Variants in CNBD1 observed in about 807,000 individuals in gnomAD.
The protein encoded by CNBD1 is cyclic nucleotide binding domain containing 1.
CNBD1 carries 71 observed loss-of-function variants against 54.4 expected under a neutral mutation model. The observed-to-expected ratio is 1.30, with a 90% CI of 1.08 to 1.59. CNBD1 has a LOEUF of 1.59. Among genes scored for constraint, CNBD1 ranks in the 40% most tolerant of loss-of-function variants. The pLI is 0.00. For missense variants in CNBD1, 659 were observed against 518.0 expected (o/e 1.27, Z -2.64); for synonymous variants, 182 against 170.7 (o/e 1.07, Z -0.51).
intron 2 of CNBD1, among the ~76,000 whole-genome samples, chr8:87,389,409 G>T (rs139397488): frequency 0.034 from 5,230 of 152,154 alleles, 283 homozygotes; most frequent in African/African-American, 0.12. Context: ...AAAGTCTCAG[G>T]ATATAAAATC....
At chr8:87,114,978 T>C (rs959604999) in intron 4 of CNBD1, among the ~76,000 whole-genome samples, 1 of 152,160 alleles carries the variant, frequency 6.6e-6, no homozygotes, top group African/African-American at 2.4e-5. Context: ...ACCAACTCAA[T>C]AGAATGTCAT....
intron 2 of CNBD1, among the ~76,000 whole-genome samples, chr8:87,415,382 C>T (rs1371003776): frequency 2.0e-5 from 3 of 151,974 alleles, no homozygotes; most frequent in Non-Finnish European, 4.4e-5. Context: ...GTTTTGGGTT[C>T]ATAGGTTATT....
intron 4 of CNBD1, among the ~76,000 whole-genome samples, chr8:87,140,126 A>T (rs1277309410): frequency 6.6e-6 from 1 of 152,122 alleles, no homozygotes; most frequent in Admixed American, 6.5e-5. Context: ...ATTAATGCTG[A>T]CAAACATATT....
intron 2 of CNBD1, among the ~76,000 whole-genome samples, chr8:87,417,768 G>C (rs1157086339): frequency 6.6e-6 from 1 of 151,606 alleles, no homozygotes; most frequent in African/African-American, 2.4e-5. Flanking sequence ...TTAGTAATTT[G>C]TATTTAAATC....
intron 4 of CNBD1, among the ~76,000 whole-genome samples, chr8:87,092,441 G>GTA (rs1048849494): frequency 4.2e-5 from 6 of 144,206 alleles, no homozygotes; most frequent in South Asian, 4.4e-4. Flanking sequence ...ATGTGTGTGT[G>GTA]TATATATATA....
chr8:87,123,388 G>T (rs2130718131), intron 4 of CNBD1, among the ~76,000 whole-genome samples: 1 of 151,718 alleles, frequency 6.6e-6, no homozygotes, highest in African/African-American at 2.4e-5. Context: ...CAAATATGTG[G>T]AAATTAAACA....
chr8:87,391,891 A>G (rs113508229), intron 2 of CNBD1, among the ~76,000 whole-genome samples: 2,273 of 152,190 alleles, frequency 0.015, 57 homozygotes, highest in African/African-American at 0.049. Context: ...CTATCAAGAA[A>G]GTGATGTGAA....
intron 2 of CNBD1, among the ~76,000 whole-genome samples, chr8:87,428,325 T>A (rs1056323351): frequency 1.3e-5 from 2 of 152,108 alleles, no homozygotes; most frequent in African/African-American, 2.4e-5. Flanking sequence ...GAATATAAAG[T>A]TGGACATTGT....
At chr8:87,176,645 C>T (rs998810764) in intron 4 of CNBD1, among the ~76,000 whole-genome samples, 3 of 147,638 alleles carry the variant, frequency 2.0e-5, no homozygotes, top group South Asian at 4.3e-4. Flanking sequence ...CCACCACGCC[C>T]GGCTAAATTT....
intron 4 of CNBD1, among the ~76,000 whole-genome samples, chr8:87,191,794 A>G (rs1813615889): frequency 6.6e-6 from 1 of 152,214 alleles, no homozygotes; most frequent in South Asian, 2.1e-4. Context: ...GACACGAAGT[A>G]ACAGGGCTTA....
chr8:87,280,318 A>G (rs565137188), intron 6 of CNBD1, among the ~76,000 whole-genome samples: 1 of 151,734 alleles, frequency 6.6e-6, no homozygotes, highest in Admixed American at 6.6e-5. Context: ...AGTGCTTATT[A>G]CTCTTCTTTG....
chr8:87,329,295 C>A (rs533743967), intron 8 of CNBD1, among the ~76,000 whole-genome samples: 4 of 152,188 alleles, frequency 2.6e-5, no homozygotes, highest in Admixed American at 6.5e-5. Flanking sequence ...ATCACATTGT[C>A]TTGATTACTG....
At chr8:87,153,612 A>C (rs2130751219) in intron 4 of CNBD1, among the ~76,000 whole-genome samples, 1 of 152,326 alleles carries the variant, frequency 6.6e-6, no homozygotes, top group East Asian at 1.9e-4. Context: ...AATTTCAAAT[A>C]GACCAATACT....
At chr8:87,264,173 G>A (rs1808201488) in intron 6 of CNBD1, among the ~76,000 whole-genome samples, 2 of 151,856 alleles carry the variant, frequency 1.3e-5, no homozygotes, top group African/African-American at 4.8e-5. Context: ...ACAGGCCCCG[G>A]AGTGTGATGT....
At chr8:87,177,643 T>C (rs977945336) in intron 4 of CNBD1, among the ~76,000 whole-genome samples, 4 of 152,210 alleles carry the variant, frequency 2.6e-5, no homozygotes, top group African/African-American at 4.8e-5. Context: ...ATTTTTATGA[T>C]AAATAAAACA....
intron 4 of CNBD1, among the ~76,000 whole-genome samples, chr8:87,192,228 T>G (rs1374842524): frequency 1.3e-5 from 2 of 152,296 alleles, no homozygotes; most frequent in Non-Finnish European, 2.9e-5. Flanking sequence ...TTTAAAATTA[T>G]CCAGCTTTTC....
At chr8:87,112,597 C>G (rs1416987817) in intron 4 of CNBD1, among the ~76,000 whole-genome samples, 2 of 152,188 alleles carry the variant, frequency 1.3e-5, no homozygotes, top group African/African-American at 2.4e-5. Context: ...CTCAATTGCA[C>G]ACTAATTTTG....
In CNBD1 at chr8:87,325,132, C is replaced by G. The variant is rs577762598; in HGVS notation, c.1043-26553C>G. ...GCGGCTTTGAGTGAGATTCTTAATC[C>G]TGAGTTCTAGTTTGATTTCACTGTG... On this transcript the variant is annotated intron_variant, in intron 8 of 10. Coordinates refer to ENST00000518476, the MANE Select transcript of CNBD1 (RefSeq NM_173538.3). Among the ~76,000 whole-genome samples, 6 of 95,392 alleles carry G rather than the reference C, an allele frequency of 6.3e-5. 1 individual carries two copies. In the South Asian group the frequency reaches 1.6e-3, roughly 25 times the overall value. 62.6% of individuals were successfully genotyped at this position (95,392 alleles called of 152,430 possible). A position where few individuals can be genotyped will look rare whatever the true frequency, so the allele number is the denominator to read the frequency against.
rs180676217 is a variant in CNBD1 at position 87,328,578 on chromosome 8, A to G, written c.1043-23107A>G. 3.9e-3 allele frequency among the ~76,000 whole-genome samples: 594 copies of G among 151,790 alleles called. 8 individuals are homozygous for G. The highest frequency in any genetic ancestry group is 0.014 in the African/African-American group (560 of 41,424). ...CTTCTTTTTTATCAAGATTGTTTTG[A>G]CTGCTTGGAGTCCTTTGTGATTCCA... On this transcript the variant is annotated intron_variant, in intron 8 of 10. Coordinates refer to ENST00000518476, the MANE Select transcript of CNBD1 (RefSeq NM_173538.3).
Sources: gnomAD v4.1 joint callset for allele counts (sites outside exome capture counted in the v4.1 genomes callset) on GRCh38, gnomAD v4.1.1 for gene constraint, MANE v1.5 for transcripts, NCBI Gene and HGNC (gene_info 2026-07-23, HGNC 2026-07-21) for gene names.